Variants in GNAI1 observed in about 807,000 individuals in gnomAD.
GNAI1 encodes guanine nucleotide-binding protein G(i) subunit alpha-1.
In GNAI1, 11 loss-of-function variants were observed where a neutral mutation model predicts 38.9. The observed-to-expected ratio is 0.28, with a 90% CI of 0.18 to 0.47. GNAI1 has a LOEUF of 0.47. Among genes scored for constraint, GNAI1 ranks in the 20% least tolerant of loss-of-function variants. GNAI1 has a pLI of 0.99. For missense variants in GNAI1, 317 were observed against 436.9 expected, an observed-to-expected ratio of 0.73 and a Z score of 2.45; for synonymous variants, 166 against 145.1, an observed-to-expected ratio of 1.14 and a Z score of -1.04.
intron 1 of GNAI1, among the ~76,000 whole-genome samples, chr7:80,162,899 T>C (rs1787948501): frequency 6.6e-6 from 1 of 152,194 alleles, no homozygotes; most frequent in Non-Finnish European, 1.5e-5. Context: ...GTAATATTGA[T>C]AGGTTTCTGC....
In GNAI1 at chr7:80,219,128, A is replaced by G. The variant is rs1174059433; in HGVS notation, c.*1635A>G. Reference sequence around the variant, plus strand: ...CTTCTTTGTAATGTAAAGAAATTCAAAGTTATCAAAGTTCCTTAAATGTGT... The same window carrying G: ...CTTCTTTGTAATGTAAAGAAATTCAGAGTTATCAAAGTTCCTTAAATGTGT... On this transcript the variant is annotated 3_prime_UTR_variant, in exon 8 of 8. Transcript: ENST00000649796. 2.0e-5 allele frequency: 3 copies of G among 152,162 alleles called. No individual in the cohort carries two copies. The highest frequency in any genetic ancestry group is 4.4e-5 in the Non-Finnish European group (3 of 67,960). The allele number at this position is 152,162 out of a possible 1,614,324, so 9.4% of individuals were successfully genotyped here.
At chr7:80,199,935 T>C (rs1459368875) in intron 4 of GNAI1, among the ~76,000 whole-genome samples, 2 of 152,132 alleles carry the variant, frequency 1.3e-5, no homozygotes, top group South Asian at 2.1e-4. Context: ...TTTCCAGATA[T>C]TTAAGTACAG....
chr7:80,152,830 C>G (rs960117946), intron 1 of GNAI1, among the ~76,000 whole-genome samples: 2 of 151,940 alleles, frequency 1.3e-5, no homozygotes, highest in Admixed American at 1.3e-4. Flanking sequence ...CTCGGCCTCC[C>G]AAAGTGCTGG....
chr7:80,205,472 A>G (rs556913913), intron 5 of GNAI1, among the ~76,000 whole-genome samples: 1 of 152,252 alleles, frequency 6.6e-6, no homozygotes, highest in East Asian at 1.9e-4. Flanking sequence ...AGGAAATTGG[A>G]TTAGAAAAGG....
intron 3 of GNAI1, among the ~76,000 whole-genome samples, chr7:80,198,227 G>A (rs2115664675): frequency 6.6e-6 from 1 of 151,874 alleles, no homozygotes; most frequent in African/African-American, 2.4e-5. Context: ...CACACCAGAT[G>A]TTGTAATACG....
At chr7:80,176,753 A>G (rs1788187612) in intron 1 of GNAI1, among the ~76,000 whole-genome samples, 1 of 151,914 alleles carries the variant, frequency 6.6e-6, no homozygotes, top group African/African-American at 2.4e-5. Context: ...CCTGGCCAAC[A>G]TGGTGAAACC....
chr7:80,204,789 A>G (rs1290716093), intron 5 of GNAI1, among the ~76,000 whole-genome samples: 2 of 152,168 alleles, frequency 1.3e-5, no homozygotes, highest in African/African-American at 4.8e-5. Flanking sequence ...ATCATGAAAA[A>G]AGAAATTATG....
intron 6 of GNAI1, among the ~76,000 whole-genome samples, chr7:80,212,153 A>G (rs1788886285): frequency 6.6e-6 from 1 of 152,180 alleles, no homozygotes; most frequent in Non-Finnish European, 1.5e-5. Flanking sequence ...TAGTAGGTGC[A>G]GTGCAACACC....
intron 1 of GNAI1, among the ~76,000 whole-genome samples, chr7:80,158,005 G>A (rs940591855): frequency 2.6e-5 from 4 of 152,060 alleles, no homozygotes; most frequent in African/African-American, 7.2e-5. Flanking sequence ...CACCACACCC[G>A]GCCCTGAAGA....
At position 80,199,438 on chromosome 7, in the gene GNAI1, A is replaced by G. The variant is rs534733173; in HGVS notation, c.461+56A>G. The G allele has an allele frequency of 2.2e-4, 288 of 1,296,964 alleles. 5 individuals are homozygous for G. The South Asian group carries it at 4.0e-3, about 18-fold the overall frequency. 80.3% of individuals were successfully genotyped at this position (1,296,964 alleles called of 1,614,324 possible). On this transcript the variant is annotated intron_variant, in intron 4 of 7. Transcript: ENST00000649796. Reference sequence around the variant, plus strand: ...TCATGAATAATTACTTGCAAGTCAAATATACTTCCAAGTCAATTTTACTGC... The same window carrying G: ...TCATGAATAATTACTTGCAAGTCAAGTATACTTCCAAGTCAATTTTACTGC...
At chr7:80,163,267 A>G (rs1787953717) in intron 1 of GNAI1, among the ~76,000 whole-genome samples, 1 of 148,570 alleles carries the variant, frequency 6.7e-6, no homozygotes, top group African/African-American at 2.6e-5. Flanking sequence ...TTTTGTAATC[A>G]TCTTTATCCT....
intron 4 of GNAI1, 35 bp downstream of exon 4, chr7:80,199,417 G>A: frequency 6.8e-7 from 1 of 1,471,134 alleles, no homozygotes; most frequent in African/African-American, 1.4e-5. Flanking sequence ...AAACTATCAT[G>A]AATAATTACT....
At chr7:80,192,753 G>A (rs766109289) in intron 3 of GNAI1, among the ~76,000 whole-genome samples, 1 of 151,958 alleles carries the variant, frequency 6.6e-6, no homozygotes, top group Non-Finnish European at 1.5e-5. Flanking sequence ...TTCAGTGCAG[G>A]AGCATGATCT....
chr7:80,222,385 T>TTTA lies in GNAI1; in HGVS notation c.*4894_*4895insATT. Among the ~76,000 whole-genome samples the TTTA allele has an allele frequency of 6.8e-6, 1 of 147,782 alleles. No homozygotes were observed. Among genetic ancestry groups the TTTA allele is most frequent in the African/African-American group, 2.5e-5 (1 of 40,616 alleles). On this transcript the variant is annotated 3_prime_UTR_variant, in exon 8 of 8. Transcript: ENST00000649796. ...AGGAGCTAGTTCTTCAAATTTAATTTTTTTTTTTTTTTTTTTCCTGAGACA... is the reference window on the plus strand; with the variant it reads ...AGGAGCTAGTTCTTCAAATTTAATTTTTATTTTTTTTTTTTTTTTCCTGAGACA...
At chr7:80,178,664 TA>T (rs1788237082) in intron 1 of GNAI1, among the ~76,000 whole-genome samples, 1 of 152,224 alleles carries the variant, frequency 6.6e-6, no homozygotes, top group Non-Finnish European at 1.5e-5. Flanking sequence ...TGCTATTGCA[TA>T]GTTAATATAG....
chr7:80,159,068 A>G (rs944329161), intron 1 of GNAI1, among the ~76,000 whole-genome samples: 5 of 152,148 alleles, frequency 3.3e-5, no homozygotes, highest in African/African-American at 1.2e-4. Flanking sequence ...GTGGCCTTGA[A>G]GAGTTGCTTG....
chr7:80,180,152 A>G (rs1443456249), intron 1 of GNAI1, among the ~76,000 whole-genome samples: 1 of 152,230 alleles, frequency 6.6e-6, no homozygotes, highest in Non-Finnish European at 1.5e-5. Flanking sequence ...GAGCGCAATT[A>G]GACTTGAGCT....
chr7:80,191,063 C>T (rs1295028741), intron 3 of GNAI1, among the ~76,000 whole-genome samples: 1 of 151,926 alleles, frequency 6.6e-6, no homozygotes, highest in Non-Finnish European at 1.5e-5. Context: ...CTGTCTTTAG[C>T]GATACTTCAG....
Position 80,202,523 on chromosome 7 carries a change from A to G in GNAI1, c.462-1181A>G, listed in dbSNP as rs143945459. Among the ~76,000 whole-genome samples, 163 of 152,356 alleles carry G rather than the reference A, an allele frequency of 1.1e-3. 1 individual carries two copies. The South Asian group carries it at 0.012, about 11-fold the overall frequency. ...TTGTTAAGTCGGATTTTCTTACAGT[A>G]AAGTAGAACATTTAGAATTAAAAGC... On this transcript the variant is annotated intron_variant, in intron 4 of 7. Transcript: ENST00000649796.
Sources: gnomAD v4.1 joint callset for allele counts (sites outside exome capture counted in the v4.1 genomes callset) on GRCh38, gnomAD v4.1.1 for gene constraint, MANE v1.5 for transcripts, NCBI Gene and HGNC (gene_info 2026-07-23, HGNC 2026-07-21) for gene names.